The following ORC6 variants were observed in gnomAD, a reference collection of about 807,000 sequenced individuals.
ORC6 encodes the protein origin recognition complex, subunit 6 homolog-like (yeast).
Under a neutral mutation model 30.0 loss-of-function variants are expected in ORC6, and 31 were observed. That is an observed-to-expected ratio of 1.03 (90% CI 0.78 to 1.40). ORC6 has a LOEUF of 1.40. Among genes scored for constraint, ORC6 ranks in the 40% most tolerant of loss-of-function variants. The pLI is 0.00. For missense variants in ORC6, 340 were observed against 304.3 expected (o/e 1.12, Z -0.87); for synonymous variants, 136 against 111.2 (o/e 1.22, Z -1.40).
rs1351358611 is a variant in ORC6 at position 46,694,643 on chromosome 16, C to T, written c.450-919C>T. On this transcript the variant is annotated intron_variant, in intron 4 of 6. Transcript: ENST00000219097. ...GGCGGCTGGCCGGGCGGGGGGCTGA[C>T]CCCCCCACAACACTGTCTCTTAAAA... is the stretch of plus-strand genomic sequence containing the variant. 4.1e-5 allele frequency: 6 copies of T among 147,234 alleles called. 1 individual carries two copies. Among genetic ancestry groups the T allele is most frequent in the African/African-American group, 1.5e-4 (6 of 39,952 alleles). The allele number at this position is 147,234 out of a possible 1,614,324, so 9.1% of individuals were successfully genotyped here.
In ORC6 at chr16:46,691,010, C is replaced by A; in HGVS notation, c.85C>A (p.Arg29Ser). Residue 29 changes from arginine to serine, a missense_variant, in exon 2 of 7, where the codon CGC becomes AGC. Coordinates refer to ENST00000219097, the MANE Select transcript of ORC6 (RefSeq NM_014321.4). Reference protein sequence around the residue: ...DMLRKAEEYLRLSRVKCVGLS... With the variant: ...DMLRKAEEYLSLSRVKCVGLS... The stretch of plus-strand genomic sequence containing the variant: ...AACCAGGAAAGCAGAGGAGTACTTG[C>A]GCCTGTCCCGGGTGAAGTGTGTCGG... 6.2e-7 allele frequency: 1 copy of A among 1,614,174 alleles called. No individual in the cohort carries two copies. The highest frequency in any genetic ancestry group is 8.5e-7 in the Non-Finnish European group (1 of 1,180,008).
chr16:46,697,041 C>T (rs755538265), intron 6 of ORC6, among the ~76,000 whole-genome samples: 24 of 152,102 alleles, frequency 1.6e-4, no homozygotes, highest in Non-Finnish European at 3.1e-4. Context: ...TCACCTATTA[C>T]GGAGTGTAGT....
intron 3 of ORC6, among the ~76,000 whole-genome samples, chr16:46,692,888 G>C (rs202073873): frequency 2.0e-4 from 1 of 4,984 alleles, no homozygotes; most frequent in Non-Finnish European, 2.5e-3. Context: ...GGCGGTGGCG[G>C]TGGGGGGGAC....
chr16:46,693,004 T>C (rs1966465337), intron 3 of ORC6, 89 bp from the exon 4 acceptor site: 12 of 911,812 alleles, frequency 1.3e-5, no homozygotes, highest in Non-Finnish European at 2.2e-5. Context: ...CATATCCATT[T>C]TAAAAGCTTG....
In ORC6 at chr16:46,697,834, G is replaced by A. The variant is rs1966536000; in HGVS notation, c.*249G>A. On this transcript the variant is annotated 3_prime_UTR_variant, in exon 7 of 7. Coordinates refer to ENST00000219097, the MANE Select transcript of ORC6 (RefSeq NM_014321.4). Reference sequence around the variant, plus strand: ...GCTTTCCTACAAAATGGAATTGGAGGCCGGGCGCAGTGGCTCACGCCTGTA... The same window carrying A: ...GCTTTCCTACAAAATGGAATTGGAGACCGGGCGCAGTGGCTCACGCCTGTA... 1.8e-6 allele frequency: 1 copy of A among 570,156 alleles called. No individual in the cohort carries two copies. Among genetic ancestry groups the A allele is most frequent in the Middle Eastern group, 4.8e-4 (1 of 2,072 alleles). The allele number at this position is 570,156 out of a possible 1,614,324, so 35.3% of individuals were successfully genotyped here. A position where few individuals can be genotyped will look rare whatever the true frequency, so the allele number is the denominator to read the frequency against.
At chr16:46,690,123 G>C (rs1447267126) in intron 1 of ORC6, among the ~76,000 whole-genome samples, 1 of 152,232 alleles carries the variant, frequency 6.6e-6, no homozygotes, top group Non-Finnish European at 1.5e-5. Flanking sequence ...TGTCTGTAAG[G>C]GCGAGGACTG....
chr16:46,696,724 C>T (rs570672371), intron 6 of ORC6, among the ~76,000 whole-genome samples: 4 of 152,298 alleles, frequency 2.6e-5, no homozygotes, highest in East Asian at 1.9e-4. Context: ...GGCACGGTCT[C>T]GGCTCACTGC....
Position 46,691,958 on chromosome 16 carries a change from A to ACACACACACTTTCTCTCT in ORC6, c.196-423_196-422insACACACACTTTCTCTCTC. Among the ~76,000 whole-genome samples, 11 of 36,664 alleles carry ACACACACACTTTCTCTCT rather than the reference A, an allele frequency of 3.0e-4. 1 individual carries two copies. The Admixed American group carries it at 4.4e-3, about 15-fold the overall frequency. 24.1% of individuals were successfully genotyped at this position (36,664 alleles called of 152,430 possible). ...CACACACACACACACACACACACAC[A>ACACACACACTTTCTCTCT]CTCTCTCTCTCTCTCTCTCTCTCAC... is the stretch of plus-strand genomic sequence containing the variant. On this transcript the variant is annotated intron_variant, in intron 2 of 6. Transcript: ENST00000219097.
chr16:46,697,546 G>A lies in ORC6; in HGVS notation c.720G>A (p.Leu240=). 6.2e-7 allele frequency: 1 copy of A among 1,614,036 alleles called. No homozygotes were observed. Among genetic ancestry groups the A allele is most frequent in the Non-Finnish European group, 8.5e-7 (1 of 1,179,914 alleles). Residue 240 remains leucine, a synonymous_variant, in exon 7 of 7, where the codon TTG becomes TTA. Coordinates refer to ENST00000219097, the MANE Select transcript of ORC6 (RefSeq NM_014321.4). ...ATGAAGAATGGAAAAGAAAAATTTT[G>A]GAAAATGCTGCCAGTGCTCAAAAGG... is the stretch of plus-strand genomic sequence containing the variant. ...QDYEEWKRKI[L]ENAASAQKAT...
At position 46,690,995 on chromosome 16, in the gene ORC6, G is replaced by C. The variant is rs1237136051; in HGVS notation, c.70G>C (p.Ala24Pro). The change falls in exon 2 of 7, where the codon GCA becomes CCA. Residue 24 changes from alanine (A) to proline (P), a missense_variant. Ala to Pro is a conservative substitution (Grantham distance 27). Coordinates refer to ENST00000219097, the MANE Select transcript of ORC6 (RefSeq NM_014321.4). Reference protein sequence around the residue: ...GLAEPDMLRKAEEYLRLSRVK... With the variant: ...GLAEPDMLRKPEEYLRLSRVK... ...ACACACTGCCCTTTTAACCAGGAAA[G>C]CAGAGGAGTACTTGCGCCTGTCCCG... is the stretch of plus-strand genomic sequence containing the variant. 1 of 1,614,208 alleles carries C rather than the reference G, an allele frequency of 6.2e-7. No individual in the cohort carries two copies. The highest frequency in any genetic ancestry group is 1.3e-5 in the African/African-American group (1 of 75,060).
rs1966509908 is a variant in ORC6, at chr16:46,695,624, T to C, written c.512T>C (p.Ile171Thr). ...MVATSGVKKA[I>T]FDRLCKQLEK... ...GCCACATCCGGTGTAAAAAAAGCTA[T>C]ATTTGATCGACTGTGTAAACAACTA... Residue 171 changes from isoleucine (I) to threonine (T), a missense_variant, in exon 5 of 7, where the codon ATA (isoleucine) becomes ACA (threonine). Coordinates refer to ENST00000219097, the MANE Select transcript of ORC6 (RefSeq NM_014321.4). 2 of 1,613,820 alleles carry C rather than the reference T, an allele frequency of 1.2e-6. No individual in the cohort carries two copies. The highest frequency in any genetic ancestry group is 1.7e-4 in the Middle Eastern group (1 of 6,060).
At chr16:46,693,835 T>A (rs1263564527) in intron 4 of ORC6, 1 of 30,566 alleles carries the variant, frequency 3.3e-5, no homozygotes, top group East Asian at 8.6e-4. Context: ...TTTTACATTT[T>A]TTTTATTTTT....
intron 4 of ORC6, chr16:46,694,412 C>A (rs1366944397): frequency 6.9e-6 from 1 of 145,498 alleles, no homozygotes; most frequent in East Asian, 2.1e-4. Context: ...GGCAGAGGGG[C>A]TCCTCACTTC....
chr16:46,696,801 A>G (rs1966522493), intron 6 of ORC6, among the ~76,000 whole-genome samples: 1 of 152,064 alleles, frequency 6.6e-6, no homozygotes, highest in Non-Finnish European at 1.5e-5. Context: ...GACTACAGGC[A>G]TGTGCTACCA....
At chr16:46,691,987 C>A (rs1015921356) in intron 2 of ORC6, among the ~76,000 whole-genome samples, 1 of 150,878 alleles carries the variant, frequency 6.6e-6, no homozygotes, top group African/African-American at 2.4e-5. Context: ...CTCTCACCAC[C>A]CCGCCCCCTA....
In ORC6 at chr16:46,697,541, A is replaced by G. The variant is rs1180192373; in HGVS notation, c.715A>G (p.Ile239Val). 1.9e-6 allele frequency: 3 copies of G among 1,614,126 alleles called. No individual in the cohort carries two copies. Among genetic ancestry groups the G allele is most frequent in the Admixed American group, 3.3e-5 (2 of 60,022 alleles). ...GGATTATGAAGAATGGAAAAGAAAA[A>G]TTTTGGAAAATGCTGCCAGTGCTCA... ...TQDYEEWKRK[I>V]LENAASAQKA... Residue 239 changes from isoleucine (I) to valine (V), a missense_variant, in exon 7 of 7, where the codon ATT becomes GTT. Coordinates refer to ENST00000219097, the MANE Select transcript of ORC6 (RefSeq NM_014321.4).
rs777553172 is a variant in ORC6 at position 46,693,197 on chromosome 16, A to G, written c.449+15A>G. On this transcript the variant is annotated intron_variant, in intron 4 of 6. Coordinates refer to ENST00000219097, the MANE Select transcript of ORC6 (RefSeq NM_014321.4). ...TCAGCATGCAAGTAGGTATTTCATTAAACATTCAGAAAAGTTACCAATTTA... is the reference window on the plus strand; with the variant it reads ...TCAGCATGCAAGTAGGTATTTCATTGAACATTCAGAAAAGTTACCAATTTA... 14 of 1,560,730 alleles carry G rather than the reference A, an allele frequency of 9.0e-6. No individual in the cohort carries two copies. The highest frequency in any genetic ancestry group is 8.9e-5 in the South Asian group (8 of 90,124).
Position 46,697,517 on chromosome 16 carries a change from G to T in ORC6, c.691G>T (p.Asp231Tyr). The T allele has an allele frequency of 6.2e-7, 1 of 1,613,614 alleles. No individual in the cohort carries two copies. Among genetic ancestry groups the T allele is most frequent in the Non-Finnish European group, 8.5e-7 (1 of 1,179,528 alleles). Reference protein sequence around the residue: ...KPQKDEDLTQDYEEWKRKILE... With the variant: ...KPQKDEDLTQYYEEWKRKILE... Reference sequence around the variant, plus strand: ...ACAGAAAGATGAAGATCTGACACAGGATTATGAAGAATGGAAAAGAAAAAT... The same window carrying T: ...ACAGAAAGATGAAGATCTGACACAGTATTATGAAGAATGGAAAAGAAAAAT... The change falls in exon 7 of 7, where the codon GAT becomes TAT. Residue 231 changes from aspartate to tyrosine, a missense_variant. Transcript: ENST00000219097.
chr16:46,692,641 G>A (rs1376958161), intron 3 of ORC6, 96 bp downstream of exon 3: 9 of 1,070,424 alleles, frequency 8.4e-6, no homozygotes, highest in Non-Finnish European at 1.3e-5. Context: ...AGGCCAAGTT[G>A]GGTGGATCAT....
Sources: gnomAD v4.1 joint callset for allele counts (sites outside exome capture counted in the v4.1 genomes callset) on GRCh38, gnomAD v4.1.1 for gene constraint, MANE v1.5 for transcripts, NCBI Gene and HGNC (gene_info 2026-07-23, HGNC 2026-07-21) for gene names.